Variants in PITPNA observed in about 807,000 individuals in gnomAD.
PITPNA encodes the protein phosphatidylinositol transfer protein alpha isoform.
In PITPNA, 13 loss-of-function variants were observed where a neutral mutation model predicts 50.3. The ratio of observed to expected loss-of-function variants is 0.26; its 90% CI spans 0.17 to 0.41. The LOEUF (loss-of-function observed/expected upper bound fraction) is 0.41, where lower values mean the gene tolerates loss of function less well. PITPNA is among the 10% of genes least tolerant of loss of function. The probability of loss-of-function intolerance (pLI) is 1.00; values close to 1 mark genes in which losing one functional copy is unlikely to be tolerated. For synonymous variants in PITPNA, 120 were observed against 119.6 expected (o/e 1.00, Z -0.02); for missense variants, 207 against 333.4 (o/e 0.62, Z 2.95).
chr17:1,542,856 T>C (rs543053334), intron 5 of PITPNA, among the ~76,000 whole-genome samples, 164 bp downstream of exon 5: 4 of 152,316 alleles, frequency 2.6e-5, no homozygotes, highest in Admixed American at 1.3e-4. Context: ...GAGGTCATCA[T>C]GCCAGTTAAC....
At chr17:1,535,627 T>G in intron 7 of PITPNA, 109 bp from the exon 8 acceptor site, 1 of 744,568 alleles carries the variant, frequency 1.3e-6, no homozygotes, top group Non-Finnish European at 2.5e-6. Flanking sequence ...TTGATGCTGA[T>G]GGCACAAAGC....
At chr17:1,530,693 A>G (rs1444396308) in intron 10 of PITPNA, among the ~76,000 whole-genome samples, 1 of 151,622 alleles carries the variant, frequency 6.6e-6, no homozygotes, top group Non-Finnish European at 1.5e-5. Context: ...ACCCTATGAC[A>G]TGACAGTAAA....
rs556585205 is a variant in PITPNA, at chr17:1,525,244, T to G, written c.769-3599A>C. On this transcript the variant is annotated intron_variant, in intron 10 of 11. Transcript: ENST00000313486. ...ACCTCATGATCCGCCCGCCTCAGCC[T>G]CCCAAAGTGCTGGGATTACAAACAT... 9.9e-5 allele frequency among the ~76,000 whole-genome samples: 15 copies of G among 152,126 alleles called. No individual in the cohort carries two copies. The South Asian group carries it at 3.1e-3, about 32-fold the overall frequency.
chr17:1,537,755 A>G (rs2075626356), intron 7 of PITPNA, among the ~76,000 whole-genome samples: 1 of 152,192 alleles, frequency 6.6e-6, no homozygotes, highest in South Asian at 2.1e-4. Flanking sequence ...AAGGAAGCAC[A>G]AGATGGTTTT....
chr17:1,552,269 G>T (rs1475700057), intron 3 of PITPNA, among the ~76,000 whole-genome samples: 1 of 152,188 alleles, frequency 6.6e-6, no homozygotes, highest in African/African-American at 2.4e-5. Context: ...TTTTTAAAAA[G>T]ATTCAGGTTT....
intron 7 of PITPNA, among the ~76,000 whole-genome samples, chr17:1,536,892 CG>C (rs2075621063): frequency 7.0e-6 from 1 of 143,114 alleles, no homozygotes; most frequent in South Asian, 2.2e-4. Context: ...TATGTCCGGC[CG>C]ATTTTTTTTT....
chr17:1,524,587 T>C (rs1023711116), intron 10 of PITPNA, among the ~76,000 whole-genome samples: 2 of 152,030 alleles, frequency 1.3e-5, no homozygotes, highest in Admixed American at 1.3e-4. Flanking sequence ...AATAATAAAA[T>C]AGAGATAACA....
intron 10 of PITPNA, among the ~76,000 whole-genome samples, chr17:1,529,305 C>T (rs1312796752): frequency 6.6e-6 from 1 of 151,968 alleles, no homozygotes; most frequent in Non-Finnish European, 1.5e-5. Context: ...GGTGCATTGC[C>T]TGAGCTCAGG....
intron 3 of PITPNA, among the ~76,000 whole-genome samples, chr17:1,549,188 G>A (rs925678442): frequency 6.6e-6 from 1 of 151,468 alleles, no homozygotes; most frequent in African/African-American, 2.4e-5. Context: ...TTACAGGCAT[G>A]AGCCACCGCG....
chr17:1,555,152 G>A (rs1353201637), intron 2 of PITPNA, among the ~76,000 whole-genome samples: 1 of 152,226 alleles, frequency 6.6e-6, no homozygotes, highest in Non-Finnish European at 1.5e-5. Flanking sequence ...TTCCCAGCTA[G>A]TGGTACCACT....
intron 7 of PITPNA, among the ~76,000 whole-genome samples, chr17:1,536,483 G>A (rs563485317): frequency 2.3e-4 from 35 of 152,088 alleles, no homozygotes; most frequent in Non-Finnish European, 4.0e-4. Flanking sequence ...TAGAGACGGG[G>A]TTTCACCGTG....
At chr17:1,544,365 T>C (rs899158631) in intron 4 of PITPNA, among the ~76,000 whole-genome samples, 11 of 152,330 alleles carry the variant, frequency 7.2e-5, no homozygotes, top group African/African-American at 2.6e-4. Flanking sequence ...TTTTTACACA[T>C]TCATCTTTGT....
chr17:1,541,841 G>C lies in PITPNA; in HGVS notation c.298-201C>G, dbSNP rs189796023. ...CCATTCAATCCTCACCCCAGCCTGA[G>C]AGCTCTGTAGAATCACCCTCATTTT... On this transcript the variant is annotated intron_variant, in intron 5 of 11. Coordinates refer to ENST00000313486, the MANE Select transcript of PITPNA (RefSeq NM_006224.4). 3 of 672,258 alleles carry C rather than the reference G, an allele frequency of 4.5e-6. No homozygotes were observed. The East Asian group carries it at 9.0e-5, about 20-fold the overall frequency. 41.6% of individuals were successfully genotyped at this position (672,258 alleles called of 1,614,324 possible).
At chr17:1,548,425 T>C in intron 3 of PITPNA, 38 bp from the exon 4 acceptor site, 2 of 1,422,494 alleles carry the variant, frequency 1.4e-6, no homozygotes, top group Non-Finnish European at 9.7e-7. Flanking sequence ...AGAGAAATGG[T>C]AGAGAGAAAG....
rs147366133 is a variant in PITPNA at position 1,558,769 on chromosome 17, A to ACCCCCCCCCCCCCCCC, written c.21-211_21-210insGGGGGGGGGGGGGGGG. Among the ~76,000 whole-genome samples the ACCCCCCCCCCCCCCCC allele has an allele frequency of 1.9e-3, 43 of 22,708 alleles. 1 individual carries two copies. The highest frequency in any genetic ancestry group is 2.7e-3 in the African/African-American group (11 of 4,108). The allele number at this position is 22,708 out of a possible 152,430, so 14.9% of individuals were successfully genotyped here. A position where few individuals can be genotyped will look rare whatever the true frequency, so the allele number is the denominator to read the frequency against. ...GTAAGACACTAAACTCTGTGACAAC[A>ACCCCCCCCCCCCCCCC]CCCCCCCCCCGCCCCCCCCCCCAGA... is the stretch of plus-strand genomic sequence containing the variant. On this transcript the variant is annotated intron_variant, in intron 1 of 11. Coordinates refer to ENST00000313486, the MANE Select transcript of PITPNA (RefSeq NM_006224.4).
chr17:1,548,297 G>A lies in PITPNA; in HGVS notation c.288C>T (p.Thr96=), dbSNP rs138411656. 8.4e-4 allele frequency: 1,353 copies of A among 1,603,254 alleles called. 3 individuals are homozygous for A. Among genetic ancestry groups the A allele is most frequent in the Non-Finnish European group, 1.1e-3 (1,242 of 1,174,480 alleles). Residue 96 remains threonine (T), a splice_region_variant and synonymous_variant, in exon 4 of 12, where the codon ACC becomes ACT. Transcript: ENST00000313486. ...KAWNAYPYCR[T]VITNEYMKED... ...CGACGTGGCCCCGGCTGCACTCACC[G>A]GTTCTGCAGTAGGGGTAAGCATTCC...
chr17:1,534,916 G>A (rs1405857483), intron 9 of PITPNA, among the ~76,000 whole-genome samples: 1 of 152,232 alleles, frequency 6.6e-6, no homozygotes, highest in Non-Finnish European at 1.5e-5. Context: ...TGCTCATGTT[G>A]GCAACCCTGT....
At chr17:1,544,979 T>A (rs1232372371) in intron 4 of PITPNA, among the ~76,000 whole-genome samples, 1 of 152,046 alleles carries the variant, frequency 6.6e-6, no homozygotes, top group African/African-American at 2.4e-5. Flanking sequence ...GGTGACAGAA[T>A]GAGACTCTGT....
In PITPNA at chr17:1,518,579, G is replaced by A. The variant is rs2075487726; in HGVS notation, c.*1982C>T. ...TCATAATGGATGCTTTTCAACTGGG[G>A]CAACAGGTGGAGGTGGGAGGAGCCC... On this transcript the variant is annotated 3_prime_UTR_variant, in exon 12 of 12. Transcript: ENST00000313486. The A allele has an allele frequency of 6.5e-6, 1 of 152,676 alleles. No homozygotes were observed. The highest frequency in any genetic ancestry group is 2.1e-4 in the South Asian group (1 of 4,834). The allele number at this position is 152,676 out of a possible 1,614,324, so 9.5% of individuals were successfully genotyped here. A position where few individuals can be genotyped will look rare whatever the true frequency, so the allele number is the denominator to read the frequency against.
Sources: gnomAD v4.1 joint callset for allele counts (sites outside exome capture counted in the v4.1 genomes callset) on GRCh38, gnomAD v4.1.1 for gene constraint, MANE v1.5 for transcripts, NCBI Gene and HGNC (gene_info 2026-07-23, HGNC 2026-07-21) for gene names.